The following RAB10 variants were observed in gnomAD, a reference collection of about 807,000 sequenced individuals.
The protein encoded by RAB10 is RAB10, member RAS oncogene family.
RAB10 carries 5 observed loss-of-function variants against 25.7 expected under a neutral mutation model. The ratio of observed to expected loss-of-function variants is 0.19; its 90% CI spans 0.10 to 0.41. The LOEUF (loss-of-function observed/expected upper bound fraction) is 0.41. Ranked by LOEUF, RAB10 falls within the 10% of genes least tolerant of loss-of-function variation. The pLI, the probability that RAB10 is intolerant of heterozygous loss-of-function variation, is 1.00. For missense variants in RAB10, 103 were observed against 245.8 expected (o/e 0.42, Z 3.89); for synonymous variants, 89 against 86.4 (o/e 1.03, Z -0.16).
intron 1 of RAB10, among the ~76,000 whole-genome samples, chr2:26,074,884 C>T (rs145873233): frequency 1.3e-5 from 2 of 152,200 alleles, no homozygotes; most frequent in African/African-American, 4.8e-5. Context: ...TTATGAGGAT[C>T]GAACGAGTAA....
intron 1 of RAB10, among the ~76,000 whole-genome samples, chr2:26,039,682 A>G (rs926215293): frequency 6.6e-6 from 1 of 151,956 alleles, no homozygotes. Context: ...ATTTTAACTC[A>G]TATCTAGAAT....
intron 1 of RAB10, among the ~76,000 whole-genome samples, chr2:26,082,935 T>A (rs898833568): frequency 1.3e-5 from 2 of 152,190 alleles, no homozygotes; most frequent in Non-Finnish European, 2.9e-5. Context: ...GCAAGGTTGG[T>A]TTCACATTTA....
At chr2:26,060,766 A>T (rs1306613633) in intron 1 of RAB10, among the ~76,000 whole-genome samples, 1 of 152,240 alleles carries the variant, frequency 6.6e-6, no homozygotes, top group Non-Finnish European at 1.5e-5. Flanking sequence ...TTTCTATCAC[A>T]TTATGCCAGA....
chr2:26,043,283 A>T lies in RAB10; in HGVS notation c.127+8548A>T, dbSNP rs747870921. On this transcript the variant is annotated intron_variant, in intron 1 of 5. Coordinates refer to ENST00000264710, the MANE Select transcript of RAB10 (RefSeq NM_016131.5). ...AGAAACCCCCCAAAATTAGCTGTAC[A>T]TGTTGGCGCATGCCTGTAGTACCAG... Among the ~76,000 whole-genome samples the T allele has an allele frequency of 1.8e-4, 28 of 152,200 alleles. 1 individual carries two copies. Among genetic ancestry groups the T allele is most frequent in the Non-Finnish European group, 4.0e-4 (27 of 68,016 alleles).
chr2:26,079,308 GAAACACACACACAC>G lies in RAB10; in HGVS notation c.128-19338_128-19325del, dbSNP rs1189252802. On this transcript the variant is annotated intron_variant, in intron 1 of 5. Transcript: ENST00000264710. ...AGTGGGGGTAGGAGCTAGCAAGTTTGAAACACACACACACAAACACACACACACACACACACACA... is the reference window on the plus strand; with the variant it reads ...AGTGGGGGTAGGAGCTAGCAAGTTTGAAACACACACACACACACACACACA... 3.2e-3 allele frequency among the ~76,000 whole-genome samples: 346 copies of G among 107,316 alleles called. 1 individual carries two copies. Among genetic ancestry groups the G allele is most frequent in the African/African-American group, 0.012 (314 of 26,652 alleles). The allele number at this position is 107,316 out of a possible 152,430, so 70.4% of individuals were successfully genotyped here.
In RAB10 at chr2:26,034,642, C is replaced by T. The variant is rs753607232; in HGVS notation, c.34C>T (p.Leu12=). 6.2e-7 allele frequency: 1 copy of T among 1,614,056 alleles called. No homozygotes were observed. The highest frequency in any genetic ancestry group is 2.2e-5 in the East Asian group (1 of 44,908). The stretch of plus-strand genomic sequence containing the variant: ...GAAGACGTACGACCTGCTTTTCAAG[C>T]TGCTCCTGATCGGGGATTCCGGAGT... The part of the protein sequence containing the change: ...AKKTYDLLFK[L]LLIGDSGVGK... The change falls in exon 1 of 6, where the codon CTG becomes TTG. Residue 12 remains leucine (L), a synonymous_variant. Coordinates refer to ENST00000264710, the MANE Select transcript of RAB10 (RefSeq NM_016131.5).
chr2:26,066,442 G>A (rs1666513658), intron 1 of RAB10, among the ~76,000 whole-genome samples: 1 of 152,132 alleles, frequency 6.6e-6, no homozygotes, highest in African/African-American at 2.4e-5. Flanking sequence ...GATTGTATTA[G>A]TCTGTTCTCA....
At chr2:26,092,292 TGTGTGTGTGTGTGTGTGTGTGTGTGTGTG>T (rs1559590806) in intron 1 of RAB10, among the ~76,000 whole-genome samples, 4 of 137,996 alleles carry the variant, frequency 2.9e-5, no homozygotes, top group Non-Finnish European at 6.1e-5. Flanking sequence ...TGTGTGTGTG[TGTGTGTGTGTGTGTGTGTGTGTGTGTGTG>T]TTGGGGTGGT....
chr2:26,060,531 G>C (rs187770530), intron 1 of RAB10, among the ~76,000 whole-genome samples: 1 of 152,100 alleles, frequency 6.6e-6, no homozygotes, highest in South Asian at 2.1e-4. Context: ...CTCGTGATCT[G>C]CCCGCCTCGG....
intron 1 of RAB10, among the ~76,000 whole-genome samples, chr2:26,067,813 A>G (rs763918691): frequency 4.3e-4 from 66 of 152,226 alleles, no homozygotes; most frequent in African/African-American, 8.0e-4. Flanking sequence ...GAAACCATCA[A>G]TACTTATTTT....
intron 1 of RAB10, among the ~76,000 whole-genome samples, chr2:26,058,482 G>A (rs1666314999): frequency 6.6e-6 from 1 of 151,694 alleles, no homozygotes; most frequent in Admixed American, 6.6e-5. Context: ...ACTCTGGCCT[G>A]GAATTCCTGG....
At chr2:26,093,735 G>T (rs149937751) in intron 1 of RAB10, among the ~76,000 whole-genome samples, 1 of 152,178 alleles carries the variant, frequency 6.6e-6, no homozygotes, top group Non-Finnish European at 1.5e-5. Context: ...TGAAGACTTT[G>T]ATACTAAGAG....
chr2:26,115,427 C>G (rs1667663128), intron 3 of RAB10, among the ~76,000 whole-genome samples: 1 of 152,130 alleles, frequency 6.6e-6, no homozygotes, highest in South Asian at 2.1e-4. Context: ...GCATGAAGGA[C>G]TGATACTTGG....
intron 3 of RAB10, among the ~76,000 whole-genome samples, chr2:26,114,436 C>G (rs1218940991): frequency 6.6e-6 from 1 of 152,140 alleles, no homozygotes; most frequent in Non-Finnish European, 1.5e-5. Flanking sequence ...AAAATAAACT[C>G]TTACATATAT....
intron 1 of RAB10, among the ~76,000 whole-genome samples, chr2:26,076,140 T>C (rs1296709611): frequency 6.6e-6 from 1 of 152,170 alleles, no homozygotes; most frequent in Non-Finnish European, 1.5e-5. Flanking sequence ...GTCCTAGGCT[T>C]CCTACACATG....
At chr2:26,054,508 A>C (rs1189687825) in intron 1 of RAB10, among the ~76,000 whole-genome samples, 1 of 152,174 alleles carries the variant, frequency 6.6e-6, no homozygotes, top group Admixed American at 6.5e-5. Flanking sequence ...GTGTAATTCT[A>C]AAAAATCTAG....
chr2:26,095,945 G>A (rs957318816), intron 1 of RAB10, among the ~76,000 whole-genome samples: 4 of 152,102 alleles, frequency 2.6e-5, no homozygotes, highest in African/African-American at 7.2e-5. Context: ...AAGCTCTTTG[G>A]TTTTGTTCTC....
chr2:26,057,272 A>G (rs895321541), intron 1 of RAB10, among the ~76,000 whole-genome samples: 12 of 152,052 alleles, frequency 7.9e-5, no homozygotes, highest in Non-Finnish European at 1.6e-4. Context: ...AGACCTCCAA[A>G]AGCTAAGGAA....
chr2:26,065,874 AC>A (rs1184958630), intron 1 of RAB10, among the ~76,000 whole-genome samples: 1 of 152,102 alleles, frequency 6.6e-6, no homozygotes, highest in African/African-American at 2.4e-5. Flanking sequence ...AGTAATGTAT[AC>A]TCCATAATCA....
Sources: allele counts gnomAD v4.1 joint callset (sites outside exome capture counted in the v4.1 genomes callset), GRCh38; gene constraint gnomAD v4.1.1; transcripts MANE v1.5; gene names NCBI Gene and HGNC (gene_info 2026-07-23, HGNC 2026-07-21).